RMDN1: variants seen among roughly 807,000 people sequenced by gnomAD.
RMDN1 encodes the protein regulator of microtubule dynamics protein 1.
RMDN1 carries 48 observed loss-of-function variants against 48.9 expected under a neutral mutation model. The observed-to-expected ratio is 0.98, with a 90% CI of 0.78 to 1.25. The LOEUF is 1.25. RMDN1 is among the 50% of genes most tolerant of loss of function. RMDN1 has a pLI of 0.00. For synonymous variants in RMDN1, 148 were observed against 132.6 expected, an observed-to-expected ratio of 1.12 and a Z score of -0.80; for missense variants, 418 against 373.4, an observed-to-expected ratio of 1.12 and a Z score of -0.98.
At chr8:86,468,583 T>C (rs1298202021), downstream of RMDN1, 1 of 435,310 alleles carries the variant, frequency 2.3e-6, no homozygotes, top group Non-Finnish European at 4.5e-6. Context: ...AGTTATTGAA[T>C]ATCATTCATT....
chr8:86,508,559 G>C lies in RMDN1; in HGVS notation c.62C>G (p.Ser21Cys). ...GCCCGAAGTCCCCGCAGGGAGACGAGACCCCGGGGCGGCTCCACGTCGGAA... is the reference window on the plus strand; with the variant it reads ...GCCCGAAGTCCCCGCAGGGAGACGACACCCCGGGGCGGCTCCACGTCGGAA... ...LPFRRGAAPG[S>C]RLPAGTSGSR... The change falls in exon 1 of 10, where the codon TCT (serine) becomes TGT (cysteine). Residue 21 changes from serine to cysteine, a missense_variant. By Grantham distance (112) the Ser-to-Cys change is moderately radical (BLOSUM62 -1). Transcript: ENST00000406452. 6.3e-7 allele frequency: 1 copy of C among 1,598,782 alleles called. No individual in the cohort carries two copies. The highest frequency in any genetic ancestry group is 1.1e-5 in the South Asian group (1 of 89,182).
At chr8:86,474,570 G>C (rs574912243) in intron 9 of RMDN1, 2 of 700,156 alleles carry the variant, frequency 2.9e-6, no homozygotes, top group Non-Finnish European at 2.5e-6. Context: ...ATGTTAACTC[G>C]ATCTGCCATG....
intron 2 of RMDN1, among the ~76,000 whole-genome samples, chr8:86,506,729 A>G (rs1195854004): frequency 6.6e-6 from 1 of 152,118 alleles, no homozygotes; most frequent in East Asian, 1.9e-4. Flanking sequence ...GGAGACTTCA[A>G]ATAAAAATGC....
chr8:86,476,638 T>C (rs1314782055), intron 8 of RMDN1, among the ~76,000 whole-genome samples: 1 of 152,234 alleles, frequency 6.6e-6, no homozygotes, highest in Non-Finnish European at 1.5e-5. Context: ...ATATCTGCAA[T>C]AGAACTAGCC....
chr8:86,470,418 G>A, downstream of RMDN1: 5 of 1,276,538 alleles, frequency 3.9e-6, no homozygotes, highest in Non-Finnish European at 5.1e-6. Context: ...CTCCTGGGAA[G>A]TCAAATGGAA....
chr8:86,474,393 G>A, intron 9 of RMDN1, 35 bp from the exon 10 acceptor site: 1 of 1,495,986 alleles, frequency 6.7e-7, no homozygotes, highest in Non-Finnish European at 9.3e-7. Context: ...AAGTAAACAG[G>A]AGAGCTAAGA....
At chr8:86,510,054 G>T (rs1819964464), upstream of RMDN1, among the ~76,000 whole-genome samples, 1 of 152,072 alleles carries the variant, frequency 6.6e-6, no homozygotes, top group Non-Finnish European at 1.5e-5. Context: ...AAAAAAATTA[G>T]ATCCTAAGAA....
chr8:86,489,857 A>C, intron 2 of RMDN1, among the ~76,000 whole-genome samples: 1 of 151,530 alleles, frequency 6.6e-6, no homozygotes. Context: ...GGATGGGGGT[A>C]GTTCTAGTTT....
chr8:86,484,219 G>A lies in RMDN1; in HGVS notation c.585+653C>T, dbSNP rs145313060. The stretch of plus-strand genomic sequence containing the variant: ...CATGGAACACTCATTCTTGGAAGCC[G>A]ACTACCATGCTATAATGAAGGTTGA... On this transcript the variant is annotated intron_variant, in intron 5 of 9. Coordinates refer to ENST00000406452, the MANE Select transcript of RMDN1 (RefSeq NM_016033.3). 9.9e-3 allele frequency among the ~76,000 whole-genome samples: 1,502 copies of A among 152,204 alleles called. 28 individuals carry two copies. The highest frequency in any genetic ancestry group is 0.034 in the African/African-American group (1,432 of 41,516).
At chr8:86,481,824 C>A in intron 5 of RMDN1, 1 of 1,037,082 alleles carries the variant, frequency 9.6e-7, no homozygotes, top group Non-Finnish European at 1.3e-6. Context: ...GGCTTTATTT[C>A]CAGGAAACAG....
intron 2 of RMDN1, among the ~76,000 whole-genome samples, chr8:86,496,079 A>C (rs1817296294): frequency 6.6e-6 from 1 of 152,214 alleles, no homozygotes; most frequent in Non-Finnish European, 1.5e-5. Flanking sequence ...AGAGAAATAG[A>C]ATCCTTTTCA....
chr8:86,485,990 G>A (rs557013822), intron 4 of RMDN1, among the ~76,000 whole-genome samples: 3 of 152,238 alleles, frequency 2.0e-5, no homozygotes, highest in Non-Finnish European at 4.4e-5. Context: ...CTCCCCGTAC[G>A]ATTTACTGAA....
At chr8:86,489,364 C>T (rs1424259199) in intron 2 of RMDN1, among the ~76,000 whole-genome samples, 1 of 152,096 alleles carries the variant, frequency 6.6e-6, no homozygotes, top group African/African-American at 2.4e-5. Flanking sequence ...CCTAAGAAAA[C>T]TGTCTACTTA....
At chr8:86,478,825 G>T in intron 7 of RMDN1, 98 bp downstream of exon 7, 2 of 909,340 alleles carry the variant, frequency 2.2e-6, no homozygotes, top group South Asian at 1.4e-5. Flanking sequence ...AATTGCTCAA[G>T]TCCCTCACTG....
chr8:86,468,615 T>G (rs1185736736), downstream of RMDN1: 1 of 449,410 alleles, frequency 2.2e-6, no homozygotes, highest in African/African-American at 2.0e-5. Context: ...TTAGCAGATT[T>G]GACTGAAGAA....
At chr8:86,472,052 C>G (rs1812643030), downstream of RMDN1, among the ~76,000 whole-genome samples, 1 of 152,114 alleles carries the variant, frequency 6.6e-6, no homozygotes, top group South Asian at 2.1e-4. Context: ...GTTAACTTCT[C>G]CAGTTGTGAT....
chr8:86,472,325 T>G (rs1048780079), downstream of RMDN1: 1 of 656,998 alleles, frequency 1.5e-6, no homozygotes, highest in Non-Finnish European at 2.7e-6. Flanking sequence ...ACATCTGACC[T>G]CACATAACAG....
chr8:86,505,101 G>A (rs1819092710), intron 2 of RMDN1: 1 of 1,371,744 alleles, frequency 7.3e-7, no homozygotes, highest in African/African-American at 1.5e-5. Flanking sequence ...CCCAGCATGG[G>A]AAAGCCACCT....
intron 1 of RMDN1, chr8:86,514,093 A>G (rs1820187115): frequency 2.7e-5 from 6 of 222,680 alleles, no homozygotes; most frequent in Non-Finnish European, 4.5e-5. Context: ...GGCACAAGCC[A>G]TCCTCCCACC....
Sources: gnomAD v4.1 joint callset for allele counts (sites outside exome capture counted in the v4.1 genomes callset) on GRCh38, gnomAD v4.1.1 for gene constraint, MANE v1.5 for transcripts, NCBI Gene and HGNC (gene_info 2026-07-23, HGNC 2026-07-21) for gene names.